Variants in WASF1 observed in about 807,000 individuals in gnomAD.
WASF1 encodes the protein actin-binding protein WASF1.
Under a neutral mutation model 50.5 loss-of-function variants are expected in WASF1, and 7 were observed. That is an observed-to-expected ratio of 0.14 (90% confidence interval 0.08 to 0.26). The LOEUF (loss-of-function observed/expected upper bound fraction) is 0.26, where lower values mean the gene tolerates loss of function less well. Among genes scored for constraint, WASF1 ranks in the 10% least tolerant of loss-of-function variants. WASF1 has a pLI of 1.00. For synonymous variants in WASF1, 205 were observed against 244.0 expected, an observed-to-expected ratio of 0.84 and a Z score of 1.49; for missense variants, 470 against 694.7, an observed-to-expected ratio of 0.68 and a Z score of 3.64.
rs185723866 is a variant in WASF1, at chr6:110,117,632, G to T, written c.134-4172C>A. Among the ~76,000 whole-genome samples, 7 of 152,182 alleles carry T rather than the reference G, an allele frequency of 4.6e-5. No individual in the cohort carries two copies. In the East Asian group the frequency reaches 9.7e-4, roughly 21 times the overall value. Reference sequence around the variant, plus strand: ...GAACTTCCCTAACCTAGCAAGGAAGGCCAGCATTCAAATTCAGGAAATACA... The same window carrying T: ...GAACTTCCCTAACCTAGCAAGGAAGTCCAGCATTCAAATTCAGGAAATACA... On this transcript the variant is annotated intron_variant, in intron 4 of 10. Transcript: ENST00000392589.
intron 2 of WASF1, among the ~76,000 whole-genome samples, chr6:110,166,902 A>T (rs894752488): frequency 6.6e-6 from 1 of 151,964 alleles, no homozygotes; most frequent in African/African-American, 2.4e-5. Context: ...TGTGAAAAAA[A>T]TTTTAAAGTA....
chr6:110,107,063 A>C lies in WASF1; in HGVS notation c.540+14T>G. 1 of 1,553,732 alleles carries C rather than the reference A, an allele frequency of 6.4e-7. No homozygotes were observed. The highest frequency in any genetic ancestry group is 8.8e-7 in the Non-Finnish European group (1 of 1,142,376). ...TACAAAAATTAACCTCAATTTTTTA[A>C]TCTCTTGTAATACCTTCTGCTTCCT... is the stretch of plus-strand genomic sequence containing the variant. On this transcript the variant is annotated intron_variant, in intron 7 of 10. Transcript: ENST00000392589.
chr6:110,136,841 A>C (rs1371319054), intron 3 of WASF1, among the ~76,000 whole-genome samples: 1 of 151,888 alleles, frequency 6.6e-6, no homozygotes, highest in Non-Finnish European at 1.5e-5. Flanking sequence ...TACTTGCCCT[A>C]CTCCTACTTG....
At chr6:110,152,026 G>C (rs919285125) in intron 3 of WASF1, among the ~76,000 whole-genome samples, 143 of 152,252 alleles carry the variant, frequency 9.4e-4, no homozygotes, top group African/African-American at 2.8e-3. Context: ...TAAGATGGCC[G>C]CATGATATCC....
In WASF1 at chr6:110,130,300, A is replaced by C. The variant is rs139738087; in HGVS notation, c.-28-2671T>G. Among the ~76,000 whole-genome samples, 32 of 152,268 alleles carry C rather than the reference A, an allele frequency of 2.1e-4. No homozygotes were observed. The East Asian group carries it at 6.0e-3, about 29-fold the overall frequency. On this transcript the variant is annotated intron_variant, in intron 3 of 10. Coordinates refer to ENST00000392589, the MANE Select transcript of WASF1 (RefSeq NM_003931.3). ...TAAGAAATAAAATATTGCCTGTACC[A>C]ATTGCCAGAACCCGTCCACTTTGGT...
At chr6:110,112,736 C>T (rs1773617112) in intron 5 of WASF1, among the ~76,000 whole-genome samples, 1 of 151,818 alleles carries the variant, frequency 6.6e-6, no homozygotes, top group Non-Finnish European at 1.5e-5. Context: ...CCCATCTCTA[C>T]TAAAAATAAA....
chr6:110,164,237 G>A (rs1427876149), intron 2 of WASF1, among the ~76,000 whole-genome samples: 1 of 151,598 alleles, frequency 6.6e-6, no homozygotes, highest in African/African-American at 2.4e-5. Context: ...ATTCTGCTCT[G>A]TTAAGACAAT....
chr6:110,149,209 T>A (rs1213651466), intron 3 of WASF1, among the ~76,000 whole-genome samples: 1 of 152,162 alleles, frequency 6.6e-6, no homozygotes, highest in Non-Finnish European at 1.5e-5. Context: ...TTTTTCCCCC[T>A]TTCATTTTTT....
chr6:110,119,119 T>A (rs1455607912), intron 4 of WASF1, among the ~76,000 whole-genome samples: 1 of 151,780 alleles, frequency 6.6e-6, no homozygotes, highest in Admixed American at 6.6e-5. Context: ...CACCCTAACA[T>A]CACAATTAAA....
At chr6:110,168,186 T>C (rs1041301702) in intron 2 of WASF1, among the ~76,000 whole-genome samples, 19 of 152,050 alleles carry the variant, frequency 1.2e-4, no homozygotes, top group Admixed American at 1.0e-3. Flanking sequence ...TGAATTTAAT[T>C]AAAATTGTTG....
At chr6:110,160,241 T>C (rs970505623) in intron 3 of WASF1, among the ~76,000 whole-genome samples, 12 of 151,838 alleles carry the variant, frequency 7.9e-5, no homozygotes, top group Non-Finnish European at 1.6e-4. Flanking sequence ...AGCTAACTGC[T>C]GGATGGACTA....
intron 3 of WASF1, among the ~76,000 whole-genome samples, chr6:110,143,219 T>A (rs1775341542): frequency 6.6e-6 from 1 of 151,946 alleles, no homozygotes; most frequent in Non-Finnish European, 1.5e-5. Context: ...ACATTAAAAA[T>A]AAAATGAGCT....
intron 3 of WASF1, among the ~76,000 whole-genome samples, chr6:110,143,476 G>A (rs1775361689): frequency 6.6e-6 from 1 of 151,912 alleles, no homozygotes; most frequent in Non-Finnish European, 1.5e-5. Context: ...AATAACCCAA[G>A]ATCAGATGTC....
In WASF1 at chr6:110,100,393, A is replaced by T. The variant is rs1308952955; in HGVS notation, c.*129T>A. ...ATATTTTCCTTAGAAATCAAAAGTT[A>T]TGGAGGAAAAGGGTCATTTATTATA... On this transcript the variant is annotated 3_prime_UTR_variant, in exon 11 of 11. Coordinates refer to ENST00000392589, the MANE Select transcript of WASF1 (RefSeq NM_003931.3). 54 of 856,882 alleles carry T rather than the reference A, an allele frequency of 6.3e-5. No individual in the cohort carries two copies. The Admixed American group carries it at 1.8e-3, about 29-fold the overall frequency. 53.1% of individuals were successfully genotyped at this position (856,882 alleles called of 1,614,324 possible).
chr6:110,102,307 A>G (rs1331308868), intron 9 of WASF1, 91 bp from the exon 10 acceptor site: 1 of 1,267,314 alleles, frequency 7.9e-7, no homozygotes, highest in Admixed American at 3.0e-5. Flanking sequence ...ACTATCAGTA[A>G]TTATATCAAA....
At chr6:110,164,086 T>G (rs1291274410) in intron 2 of WASF1, among the ~76,000 whole-genome samples, 4 of 151,376 alleles carry the variant, frequency 2.6e-5, no homozygotes, top group Admixed American at 1.3e-4. Context: ...AAACATAAAA[T>G]CCAAAACTAT....
Position 110,100,606 on chromosome 6 carries a change from G to A in WASF1, c.1596C>T (p.Ala532=). 4.3e-6 allele frequency: 7 copies of A among 1,613,706 alleles called. No homozygotes were observed. The highest frequency in any genetic ancestry group is 1.7e-5 in the Admixed American group (1 of 59,968). ...CAGCAATACGGCGAGACAGGATGGT[G>A]GCAACATCGTTTTCAATGCGTTCAT... The part of the protein sequence containing the change: ...AKHERIENDV[A]TILSRRIAVE... The change falls in exon 11 of 11, where the codon GCC becomes GCT. Residue 532 remains alanine (A), a synonymous_variant. Coordinates refer to ENST00000392589, the MANE Select transcript of WASF1 (RefSeq NM_003931.3).
At chr6:110,103,322 A>G in intron 9 of WASF1, 56 bp downstream of exon 9, 1 of 1,553,840 alleles carries the variant, frequency 6.4e-7, no homozygotes, top group Non-Finnish European at 8.7e-7. Context: ...ATCGTCCTTG[A>G]AAGAAAAAGC....
chr6:110,160,830 T>C (rs1183475424), intron 2 of WASF1, 98 bp from the exon 3 acceptor site: 2 of 151,644 alleles, frequency 1.3e-5, no homozygotes, highest in African/African-American at 2.4e-5. Context: ...ATTAGAACAA[T>C]GAAACATGAG....
Sources: allele counts gnomAD v4.1 joint callset (sites outside exome capture counted in the v4.1 genomes callset), GRCh38; gene constraint gnomAD v4.1.1; transcripts MANE v1.5; gene names NCBI Gene and HGNC (gene_info 2026-07-23, HGNC 2026-07-21).